ERICH6: variants seen among roughly 807,000 people sequenced by gnomAD.
ERICH6 encodes glutamate rich 6, also known as glutamate-rich protein 6.
In ERICH6, 71 loss-of-function variants were observed where a neutral mutation model predicts 71.0. That is an observed-to-expected ratio of 1.00 (90% confidence interval 0.83 to 1.22). ERICH6 has a LOEUF of 1.22. Among genes scored for constraint, ERICH6 ranks in the 50% most tolerant of loss-of-function variants. The pLI, the probability that ERICH6 is intolerant of heterozygous loss-of-function variation, is 0.00. For synonymous variants in ERICH6, 262 were observed against 278.4 expected (o/e 0.94, Z 0.59); for missense variants, 808 against 797.2 (o/e 1.01, Z -0.16).
At chr3:150,699,040 C>G (rs1712760633) in intron 2 of ERICH6, among the ~76,000 whole-genome samples, 158 bp from the exon 3 acceptor site, 1 of 152,038 alleles carries the variant, frequency 6.6e-6, no homozygotes, top group African/African-American at 2.4e-5. Flanking sequence ...GTAAAGTTAA[C>G]TCAGTGTGTT....
At chr3:150,669,067 G>A (rs1007898913) in intron 12 of ERICH6, among the ~76,000 whole-genome samples, 1 of 152,054 alleles carries the variant, frequency 6.6e-6, no homozygotes. Context: ...TTCTTACTAT[G>A]TATAGAAATA....
At position 150,691,396 on chromosome 3, in the gene ERICH6, T is replaced by C. The variant is rs560974809; in HGVS notation, c.554-5042A>G. Among the ~76,000 whole-genome samples, 68 of 152,244 alleles carry C rather than the reference T, an allele frequency of 4.5e-4. 1 individual carries two copies. The South Asian group carries it at 0.014, about 31-fold the overall frequency. ...TTTTGTCTAATTCAAAGATCATGTA[T>C]TAAACGAGGTAAAAGGAACCAGGAA... On this transcript the variant is annotated intron_variant, in intron 3 of 13. Coordinates refer to ENST00000295910, the MANE Select transcript of ERICH6 (RefSeq NM_152394.5).
chr3:150,699,233 C>T (rs1712767644), intron 2 of ERICH6, among the ~76,000 whole-genome samples: 1 of 152,164 alleles, frequency 6.6e-6, no homozygotes, highest in Admixed American at 6.5e-5. Flanking sequence ...ATGGCTTGAG[C>T]CCAGGAAGTG....
Position 150,669,391 on chromosome 3 carries a change from A to C in ERICH6, c.1404T>G (p.Cys468Trp). The change falls in exon 12 of 14, where the codon TGT becomes TGG. Residue 468 changes from cysteine (C) to tryptophan (W), a missense_variant. Physicochemically the swap from Cys to Trp is radical, Grantham distance 215. Around this residue, in one of 3 missense-constraint regions of ERICH6, gnomAD observed 736 missense variants for 712.2 expected, o/e 1.03. Coordinates refer to ENST00000295910, the MANE Select transcript of ERICH6 (RefSeq NM_152394.5). Reference protein sequence around the residue: ...RVPNKVNGFTCIVQEDMPTNP... With the variant: ...RVPNKVNGFTWIVQEDMPTNP... ...TAGTGGGCATATCTTCTTGGACTAT[A>C]CAAGTAAAACCATTTACCTTGTTGG... The C allele has an allele frequency of 6.2e-7, 1 of 1,613,844 alleles. No homozygotes were observed.
intron 3 of ERICH6, among the ~76,000 whole-genome samples, chr3:150,689,249 C>T (rs1399421212): frequency 4.6e-5 from 7 of 152,002 alleles, no homozygotes; most frequent in Non-Finnish European, 8.8e-5. Context: ...TTTTTTCCTG[C>T]TTCCATGACA....
rs1712171251 is a variant in ERICH6, at chr3:150,686,013, C to A, written c.619G>T (p.Val207Leu). Residue 207 changes from valine (V) to leucine (L), a missense_variant, in exon 5 of 14, where the codon GTA (valine) becomes TTA (leucine). Physicochemically the swap from Val to Leu is conservative, Grantham distance 32. This residue lies in a region of ERICH6 where 736 missense variants were observed against 712.2 expected (regional missense o/e 1.03). Coordinates refer to ENST00000295910, the MANE Select transcript of ERICH6 (RefSeq NM_152394.5). ...CLASKLREKW[V>L]INPEESKLNI... ...AGTTTCGACTCTTCTGGATTAATTA[C>A]CCATTTTTCTGGAGAGAAAGAATAG... 1.2e-6 allele frequency: 2 copies of A among 1,602,168 alleles called. No individual in the cohort carries two copies. The highest frequency in any genetic ancestry group is 1.7e-5 in the Admixed American group (1 of 59,974).
At chr3:150,680,023 A>G (rs550179963) in intron 9 of ERICH6, among the ~76,000 whole-genome samples, 1 of 152,180 alleles carries the variant, frequency 6.6e-6, no homozygotes, top group Non-Finnish European at 1.5e-5. Context: ...AGTATGCTTA[A>G]TAAAATATGA....
rs780843646 is a variant in ERICH6 at position 150,680,783 on chromosome 3, C to CT, written c.1029dup (p.Ala344SerfsTer26). ...AAGTCTCAATGTTACCTTTGCAGGG[C>CT]TTTTTCTTTTGCCTTGAGTCTGTCG... is the stretch of plus-strand genomic sequence containing the variant. On this transcript the variant is annotated frameshift_variant, in exon 8 of 14. Coordinates refer to ENST00000295910, the MANE Select transcript of ERICH6 (RefSeq NM_152394.5). LOFTEE classifies it high-confidence loss of function. 1 of 1,603,360 alleles carries CT rather than the reference C, an allele frequency of 6.2e-7. No individual in the cohort carries two copies. The highest frequency in any genetic ancestry group is 1.4e-5 in the African/African-American group (1 of 73,900).
At chr3:150,682,748 C>T (rs1712021042) in intron 6 of ERICH6, among the ~76,000 whole-genome samples, 1 of 152,022 alleles carries the variant, frequency 6.6e-6, no homozygotes, top group Non-Finnish European at 1.5e-5. Flanking sequence ...TCAAGAAATG[C>T]CAAGTAAGAA....
Position 150,685,814 on chromosome 3 carries a change from C to T in ERICH6, c.711G>A (p.Thr237=), listed in dbSNP as rs750322011. ...FITLFEPSLR[T]LPSIGPPSIL... is the part of the protein sequence containing the mutation. ...TGGATGGTGGTCCGATGCTGGGTAA[C>T]GTTCTTAGAGAAGGCTCGAACAGTG... The change falls in exon 6 of 14, where the codon ACG becomes ACA. Residue 237 remains threonine, a synonymous_variant. Transcript: ENST00000295910. 34 of 1,613,864 alleles carry T rather than the reference C, an allele frequency of 2.1e-5. No individual in the cohort carries two copies. Among genetic ancestry groups the T allele is most frequent in the Admixed American group, 1.5e-4 (9 of 59,958 alleles).
intron 3 of ERICH6, among the ~76,000 whole-genome samples, chr3:150,688,455 A>G (rs766827512): frequency 6.6e-6 from 1 of 152,176 alleles, no homozygotes; most frequent in Non-Finnish European, 1.5e-5. Flanking sequence ...TGACATGGAG[A>G]GATGTCCGTG....
chr3:150,703,456 A>T (rs1423316921), intron 1 of ERICH6, 40 bp downstream of exon 1: 3 of 1,520,026 alleles, frequency 2.0e-6, no homozygotes, highest in Non-Finnish European at 8.8e-7. Flanking sequence ...CCCCCTGGAG[A>T]CGAGAAACCC....
At chr3:150,686,542 A>G (rs1432065880) in intron 3 of ERICH6, among the ~76,000 whole-genome samples, 188 bp from the exon 4 acceptor site, 2 of 152,242 alleles carry the variant, frequency 1.3e-5, no homozygotes. Flanking sequence ...TTAGCATTCT[A>G]TATATCACAT....
chr3:150,678,954 T>C (rs1039605509), intron 9 of ERICH6, among the ~76,000 whole-genome samples: 3 of 147,342 alleles, frequency 2.0e-5, no homozygotes, highest in African/African-American at 5.1e-5. Context: ...GGCAGGAAAA[T>C]TGAACCGGGA....
chr3:150,694,586 G>A (rs918708067), intron 3 of ERICH6, among the ~76,000 whole-genome samples: 29 of 152,132 alleles, frequency 1.9e-4, no homozygotes, highest in African/African-American at 7.0e-4. Context: ...TTACCACTTC[G>A]TTCCTCCTTT....
In ERICH6 at chr3:150,701,323, GAATTC is replaced by G. The variant is rs1157121761; in HGVS notation, c.461+793_461+797del. On this transcript the variant is annotated intron_variant, in intron 2 of 13. Coordinates refer to ENST00000295910, the MANE Select transcript of ERICH6 (RefSeq NM_152394.5). ...TATAACTACCAAAGTGGAGAGGTGG[GAATTC>G]AATACACATGTCAGAAATTGATAAA... Among the ~76,000 whole-genome samples the G allele has an allele frequency of 1.1e-4, 16 of 152,196 alleles. No homozygotes were observed. The East Asian group carries it at 3.1e-3, about 29-fold the overall frequency.
chr3:150,680,952 C>T lies in ERICH6; in HGVS notation c.883-22G>A, dbSNP rs748149584. On this transcript the variant is annotated intron_variant, in intron 7 of 13. Coordinates refer to ENST00000295910, the MANE Select transcript of ERICH6 (RefSeq NM_152394.5). ...AGGCCTGGAAAACACAGAAGTTACTCTCATCTCATTAGTCCTAGATGAGGA... is the reference window on the plus strand; with the variant it reads ...AGGCCTGGAAAACACAGAAGTTACTTTCATCTCATTAGTCCTAGATGAGGA... 10 of 1,595,466 alleles carry T rather than the reference C, an allele frequency of 6.3e-6. No individual in the cohort carries two copies. In the East Asian group the frequency reaches 2.0e-4, roughly 32 times the overall value.
intron 11 of ERICH6, among the ~76,000 whole-genome samples, chr3:150,669,776 C>T (rs1251954301): frequency 6.6e-6 from 1 of 152,156 alleles, no homozygotes; most frequent in African/African-American, 2.4e-5. Flanking sequence ...GCAAAAAACA[C>T]AAGGTCATCT....
At chr3:150,703,458 G>A (rs546239875) in intron 1 of ERICH6, 38 bp downstream of exon 1, 19 of 1,525,674 alleles carry the variant, frequency 1.2e-5, no homozygotes, top group South Asian at 1.0e-4. Flanking sequence ...CCCTGGAGAC[G>A]AGAAACCCTC....
Sources: allele counts gnomAD v4.1 joint callset (sites outside exome capture counted in the v4.1 genomes callset), GRCh38; gene constraint gnomAD v4.1.1; regional missense constraint gnomAD v4.1.1; transcripts MANE v1.5; gene names NCBI Gene and HGNC (gene_info 2026-07-23, HGNC 2026-07-21).